The following EPHA5 variants were observed in gnomAD, a reference collection of about 807,000 sequenced individuals.
EPHA5 encodes EPH receptor A5.
In EPHA5, 60 loss-of-function variants were observed where a neutral mutation model predicts 105.0. The observed-to-expected ratio is 0.57, with a 90% CI of 0.46 to 0.71. The LOEUF is 0.71. Among genes scored for constraint, EPHA5 ranks in the 30% least tolerant of loss-of-function variants. The pLI is 0.00. For synonymous variants in EPHA5, 513 were observed against 449.1 expected, an observed-to-expected ratio of 1.14 and a Z score of -1.80; for missense variants, 1,218 against 1,274.7, an observed-to-expected ratio of 0.96 and a Z score of 0.68.
chr4:65,551,278 G>A (rs1737888170), intron 3 of EPHA5, among the ~76,000 whole-genome samples: 1 of 105,242 alleles, frequency 9.5e-6, no homozygotes, highest in Admixed American at 8.8e-5. Flanking sequence ...GTGTGTGTGT[G>A]TGTATATATA....
Position 65,366,041 on chromosome 4 carries a change from T to C in EPHA5, c.1878A>G (p.Val626=), listed in dbSNP as rs1325829193. 1 of 1,598,712 alleles carries C rather than the reference T, an allele frequency of 6.3e-7. No individual in the cohort carries two copies. Among genetic ancestry groups the C allele is most frequent in the Admixed American group, 1.7e-5 (1 of 59,686 alleles). ...FHNGHIKLPG[V]RTYIDPHTYE... ...AGGTATGTGGATCAATGTAAGTTCT[T>C]ACTCCTGGCAGTTTAACTGTAAATA... Residue 626 remains valine (V), a synonymous_variant, in exon 10 of 17, where the codon GTA becomes GTG. Transcript: ENST00000613740.
intron 2 of EPHA5, among the ~76,000 whole-genome samples, chr4:65,620,130 T>TATATATATATATA (rs1389832477): frequency 2.9e-5 from 3 of 103,862 alleles, no homozygotes; most frequent in South Asian, 3.0e-4. Context: ...ATATATATAT[T>TATATATATATATA]AAATATATGA....
At chr4:65,661,496 A>G (rs1391777148) in intron 1 of EPHA5, among the ~76,000 whole-genome samples, 1 of 152,198 alleles carries the variant, frequency 6.6e-6, no homozygotes, top group Admixed American at 6.5e-5. Context: ...CTTCTACCTC[A>G]GAAGTCTGGC....
rs537523907 is a variant in EPHA5, at chr4:65,501,677, C to G, written c.911-6134G>C. On this transcript the variant is annotated intron_variant, in intron 3 of 16. Coordinates refer to ENST00000613740, the MANE Select transcript of EPHA5 (RefSeq NM_001281766.3). ...TCAACATCATTAAAATGCCATACTACGCAAACCAATGTACAGATTCAATAC... is the reference window on the plus strand; with the variant it reads ...TCAACATCATTAAAATGCCATACTAGGCAAACCAATGTACAGATTCAATAC... Among the ~76,000 whole-genome samples, 8 of 151,786 alleles carry G rather than the reference C, an allele frequency of 5.3e-5. No individual in the cohort carries two copies. In the South Asian group the frequency reaches 1.7e-3, roughly 31 times the overall value.
intron 3 of EPHA5, among the ~76,000 whole-genome samples, chr4:65,518,684 G>T (rs967877503): frequency 7.2e-5 from 11 of 152,080 alleles, no homozygotes; most frequent in African/African-American, 2.6e-4. Flanking sequence ...CTTTAAATAG[G>T]TAAGTTGGCA....
At chr4:65,458,218 A>G (rs34404106) in intron 5 of EPHA5, among the ~76,000 whole-genome samples, 32,592 of 152,044 alleles carry the variant, frequency 0.21, 4,399 homozygotes, top group Middle Eastern at 0.37. Flanking sequence ...AAATGTGTGA[A>G]GCAAAATTTA....
At chr4:65,380,547 T>C (rs1719452775) in intron 8 of EPHA5, among the ~76,000 whole-genome samples, 1 of 151,724 alleles carries the variant, frequency 6.6e-6, no homozygotes. Context: ...ACTTAAATTC[T>C]TAAACAAGAG....
intron 3 of EPHA5, among the ~76,000 whole-genome samples, chr4:65,547,290 G>C: frequency 1.1e-5 from 1 of 90,710 alleles, no homozygotes; most frequent in African/African-American, 4.1e-5. Context: ...AAGATTCAAA[G>C]CCAAGTGGAA....
intron 5 of EPHA5, among the ~76,000 whole-genome samples, chr4:65,488,885 ATT>A (rs5858962): frequency 5.9e-5 from 7 of 117,790 alleles, no homozygotes; most frequent in African/African-American, 2.2e-4. Flanking sequence ...AGCTGCATGC[ATT>A]TTTTTTTTTT....
chr4:65,407,253 G>A (rs1722451245), intron 7 of EPHA5, among the ~76,000 whole-genome samples: 1 of 152,156 alleles, frequency 6.6e-6, no homozygotes, highest in East Asian at 1.9e-4. Flanking sequence ...CTCTTAATGT[G>A]CCAGTTTGGG....
chr4:65,337,798 T>C (rs1721326746), intron 14 of EPHA5, among the ~76,000 whole-genome samples: 1 of 152,016 alleles, frequency 6.6e-6, no homozygotes, highest in Non-Finnish European at 1.5e-5. Flanking sequence ...ATGTAGTTTA[T>C]ATCCCCCCTG....
At chr4:65,557,774 A>T (rs1738600625) in intron 3 of EPHA5, among the ~76,000 whole-genome samples, 1 of 152,170 alleles carries the variant, frequency 6.6e-6, no homozygotes, top group Non-Finnish European at 1.5e-5. Flanking sequence ...AAGGAGCTGT[A>T]AAGGGCTAGT....
intron 8 of EPHA5, among the ~76,000 whole-genome samples, chr4:65,384,836 AATC>A (rs1277407676): frequency 6.6e-6 from 1 of 151,838 alleles, no homozygotes; most frequent in Non-Finnish European, 1.5e-5. Context: ...CAACATACTG[AATC>A]ATGTTTCTTA....
chr4:65,630,829 G>A (rs1239490062), intron 2 of EPHA5, among the ~76,000 whole-genome samples: 2 of 152,046 alleles, frequency 1.3e-5, no homozygotes, highest in African/African-American at 4.8e-5. Context: ...GAAACCAATT[G>A]ACTTTTGACT....
At chr4:65,428,357 A>T (rs970038126) in intron 5 of EPHA5, among the ~76,000 whole-genome samples, 8 of 152,068 alleles carry the variant, frequency 5.3e-5, no homozygotes, top group Non-Finnish European at 1.0e-4. Flanking sequence ...CTGTGTTGTC[A>T]TTTGATACTG....
At chr4:65,361,320 G>A (rs1403805760) in intron 11 of EPHA5, among the ~76,000 whole-genome samples, 1 of 151,614 alleles carries the variant, frequency 6.6e-6, no homozygotes, top group Non-Finnish European at 1.5e-5. Context: ...TTTTAGGTCT[G>A]AGTGAAGTAT....
chr4:65,526,100 A>T (rs974571274), intron 3 of EPHA5, among the ~76,000 whole-genome samples: 1 of 151,874 alleles, frequency 6.6e-6, no homozygotes, highest in Non-Finnish European at 1.5e-5. Context: ...TGTTTTGCAT[A>T]TATCAAATAT....
At chr4:65,640,850 C>T (rs1042440245) in intron 2 of EPHA5, among the ~76,000 whole-genome samples, 3 of 152,110 alleles carry the variant, frequency 2.0e-5, no homozygotes, top group South Asian at 2.1e-4. Context: ...ATGTGCATGG[C>T]CTTATAAATT....
At chr4:65,637,597 T>TATATATATATATAC (rs889288051) in intron 2 of EPHA5, among the ~76,000 whole-genome samples, 2 of 144,530 alleles carry the variant, frequency 1.4e-5, no homozygotes, top group African/African-American at 5.1e-5. Context: ...TATATATATA[T>TATATATATATATAC]ACGTATATGC....
Sources: gnomAD v4.1 joint callset for allele counts (sites outside exome capture counted in the v4.1 genomes callset) on GRCh38, gnomAD v4.1.1 for gene constraint, MANE v1.5 for transcripts, NCBI Gene and HGNC (gene_info 2026-07-23, HGNC 2026-07-21) for gene names.